The following IMMP2L variants were observed in gnomAD, a reference collection of about 807,000 sequenced individuals.
The protein encoded by IMMP2L is mitochondrial inner membrane protease subunit 2.
In IMMP2L, 18 loss-of-function variants were observed where a neutral mutation model predicts 19.3. The observed-to-expected ratio is 0.93, with a 90% confidence interval of 0.64 to 1.38. IMMP2L has a LOEUF of 1.38. Among genes scored for constraint, IMMP2L ranks in the 40% most tolerant of loss-of-function variants. IMMP2L has a pLI of 0.00. For synonymous variants in IMMP2L, 76 were observed against 73.0 expected (o/e 1.04, Z -0.21); for missense variants, 233 against 218.2 (o/e 1.07, Z -0.43).
intron 3 of IMMP2L, among the ~76,000 whole-genome samples, chr7:111,373,913 T>C (rs1239593200): frequency 6.6e-6 from 1 of 152,006 alleles, no homozygotes; most frequent in Non-Finnish European, 1.5e-5. Flanking sequence ...TTTTAGGAAA[T>C]ACTATTTTGA....
At chr7:110,931,820 C>G (rs1815521570) in intron 4 of IMMP2L, among the ~76,000 whole-genome samples, 1 of 152,016 alleles carries the variant, frequency 6.6e-6, no homozygotes, top group African/African-American at 2.4e-5. Flanking sequence ...AGCCTCATCT[C>G]CCACTACACT....
intron 5 of IMMP2L, among the ~76,000 whole-genome samples, chr7:110,832,210 G>A (rs1009227701): frequency 7.2e-5 from 11 of 152,136 alleles, no homozygotes; most frequent in South Asian, 2.1e-4. Context: ...GCAGTGAGCC[G>A]AGATTGCACC....
At chr7:111,502,317 A>C in intron 2 of IMMP2L, among the ~76,000 whole-genome samples, 1 of 152,172 alleles carries the variant, frequency 6.6e-6, no homozygotes, top group Non-Finnish European at 1.5e-5. Context: ...CAGGTTCATA[A>C]AGCAAGTCCT....
At chr7:110,762,749 A>G (rs1163073571) in intron 5 of IMMP2L, among the ~76,000 whole-genome samples, 1 of 152,174 alleles carries the variant, frequency 6.6e-6, no homozygotes, top group Non-Finnish European at 1.5e-5. Flanking sequence ...TTTTGGACAC[A>G]TGCCCAGAAG....
chr7:111,322,652 A>G (rs1283369952), intron 3 of IMMP2L, among the ~76,000 whole-genome samples: 1 of 151,656 alleles, frequency 6.6e-6, no homozygotes, highest in African/African-American at 2.4e-5. Context: ...TAATATACAA[A>G]TACATTTAAT....
At chr7:111,020,635 G>A (rs1826186477) in intron 3 of IMMP2L, among the ~76,000 whole-genome samples, 1 of 152,026 alleles carries the variant, frequency 6.6e-6, no homozygotes, top group Non-Finnish European at 1.5e-5. Context: ...GGTAGCATGT[G>A]CCTGTAGTTC....
intron 3 of IMMP2L, among the ~76,000 whole-genome samples, chr7:111,410,464 A>G (rs977484827): frequency 6.6e-6 from 1 of 151,762 alleles, no homozygotes; most frequent in Non-Finnish European, 1.5e-5. Flanking sequence ...ATTAGTATGT[A>G]CATTGTTCAA....
At chr7:110,935,696 T>C (rs1197495727) in intron 4 of IMMP2L, among the ~76,000 whole-genome samples, 1 of 151,870 alleles carries the variant, frequency 6.6e-6, no homozygotes, top group Non-Finnish European at 1.5e-5. Flanking sequence ...TAGAAAAAAA[T>C]GACTTTAAAT....
chr7:111,429,092 T>C (rs983801775), intron 3 of IMMP2L, among the ~76,000 whole-genome samples: 1 of 151,830 alleles, frequency 6.6e-6, no homozygotes, highest in Non-Finnish European at 1.5e-5. Flanking sequence ...TTCTATCAAA[T>C]AAAAGAACAT....
intron 2 of IMMP2L, among the ~76,000 whole-genome samples, chr7:111,514,931 T>A (rs961112194): frequency 2.0e-5 from 3 of 152,106 alleles, no homozygotes; most frequent in Non-Finnish European, 4.4e-5. Context: ...ATATAAGTAG[T>A]GCTTTGCTTG....
At chr7:111,169,925 G>A (rs777699555) in intron 3 of IMMP2L, among the ~76,000 whole-genome samples, 10 of 151,856 alleles carry the variant, frequency 6.6e-5, no homozygotes, top group Admixed American at 1.3e-4. Flanking sequence ...GTTCATGGTG[G>A]TATTTGGTTA....
At chr7:110,701,435 G>GT (rs958317737) in intron 5 of IMMP2L, among the ~76,000 whole-genome samples, 3 of 151,220 alleles carry the variant, frequency 2.0e-5, no homozygotes, top group African/African-American at 7.3e-5. Flanking sequence ...TTTAATTTTT[G>GT]TTTTTTTAGA....
chr7:111,029,321 G>A (rs1226097634), intron 3 of IMMP2L, among the ~76,000 whole-genome samples: 5 of 152,210 alleles, frequency 3.3e-5, no homozygotes, highest in African/African-American at 7.2e-5. Flanking sequence ...GATGAGAGCC[G>A]GCAATATCTT....
In IMMP2L at chr7:111,304,626, A is replaced by G. The variant is rs1330351197; in HGVS notation, c.239+182612T>C. Among the ~76,000 whole-genome samples, 4 of 151,348 alleles carry G rather than the reference A, an allele frequency of 2.6e-5. No individual in the cohort carries two copies. The South Asian group carries it at 6.3e-4, about 24-fold the overall frequency. On this transcript the variant is annotated intron_variant, in intron 3 of 5. Coordinates refer to ENST00000405709, the MANE Select transcript of IMMP2L (RefSeq NM_032549.4). ...ATATACATATATAATGTATGGGTGT[A>G]TATACATACATAATGTATGGGTGTT... is the stretch of plus-strand genomic sequence containing the variant.
chr7:111,239,432 T>C (rs1401710271), intron 3 of IMMP2L, among the ~76,000 whole-genome samples: 1 of 151,916 alleles, frequency 6.6e-6, no homozygotes, highest in Admixed American at 6.6e-5. Context: ...TCATACTTAA[T>C]GACAAGACAA....
chr7:111,317,774 G>A (rs547026530), intron 3 of IMMP2L, among the ~76,000 whole-genome samples: 3 of 152,258 alleles, frequency 2.0e-5, no homozygotes, highest in South Asian at 4.1e-4. Flanking sequence ...GATGCTTAAA[G>A]AAAGTTCTTT....
intron 5 of IMMP2L, among the ~76,000 whole-genome samples, chr7:110,813,487 G>A (rs1286802035): frequency 3.3e-5 from 5 of 151,010 alleles, no homozygotes; most frequent in Non-Finnish European, 4.4e-5. Context: ...CAGTACAGTG[G>A]TGTGATCATA....
chr7:111,230,737 T>G (rs1018040527), intron 3 of IMMP2L, among the ~76,000 whole-genome samples: 1 of 152,024 alleles, frequency 6.6e-6, no homozygotes, highest in Non-Finnish European at 1.5e-5. Flanking sequence ...TTCAGTTTAC[T>G]GAGAGTGTAT....
At chr7:110,801,501 T>C (rs989326826) in intron 5 of IMMP2L, among the ~76,000 whole-genome samples, 2 of 152,120 alleles carry the variant, frequency 1.3e-5, no homozygotes, top group Non-Finnish European at 2.9e-5. Flanking sequence ...GCCAGAAAAC[T>C]ATAAACAGTG....
Sources: allele counts gnomAD v4.1 joint callset (sites outside exome capture counted in the v4.1 genomes callset), GRCh38; gene constraint gnomAD v4.1.1; transcripts MANE v1.5; gene names NCBI Gene and HGNC (gene_info 2026-07-23, HGNC 2026-07-21).